SLC9A8: variants seen among roughly 807,000 people sequenced by gnomAD.
SLC9A8 encodes sodium/hydrogen exchanger 8.
Under a neutral mutation model 66.6 loss-of-function variants are expected in SLC9A8, and 48 were observed. The observed-to-expected ratio is 0.72, with a 90% CI of 0.57 to 0.92. The LOEUF is 0.92. Among genes scored for constraint, SLC9A8 ranks in the 40% least tolerant of loss-of-function variants. The pLI, the probability that SLC9A8 is intolerant of heterozygous loss-of-function variation, is 0.00. For missense variants in SLC9A8, 599 were observed against 747.3 expected (o/e 0.80, Z 2.31); for synonymous variants, 274 against 282.6 (o/e 0.97, Z 0.31).
Position 49,864,858 on chromosome 20 carries a change from A to G in SLC9A8, c.958+14A>G. 1 of 1,529,934 alleles carries G rather than the reference A, an allele frequency of 6.5e-7. No homozygotes were observed. The allele number at this position is 1,529,934 out of a possible 1,614,324, so 94.8% of individuals were successfully genotyped here. On this transcript the variant is annotated intron_variant, in intron 10 of 15. Transcript: ENST00000361573. ...TCTCACTCTCAGGTAAGTGACAGAGAGCCTGAAAGTGCTGTGGTGATGGCA... is the reference window on the plus strand; with the variant it reads ...TCTCACTCTCAGGTAAGTGACAGAGGGCCTGAAAGTGCTGTGGTGATGGCA...
At position 49,884,056 on chromosome 20, in the gene SLC9A8, CTG is replaced by C; in HGVS notation, c.1482_1483del (p.Lys496AspfsTer29). On this transcript the variant is annotated frameshift_variant, in exon 14 of 16. Transcript: ENST00000361573. LOFTEE classifies it high-confidence loss of function. Reference sequence around the variant, plus strand: ...AAGAAGGACGTCAACCTCAGCAAGACTGAGAAGATGGTTAGTACCATGCGCCT... The same window carrying C: ...AAGAAGGACGTCAACCTCAGCAAGACAGAAGATGGTTAGTACCATGCGCCT... The C allele has an allele frequency of 6.2e-7, 1 of 1,613,534 alleles. No individual in the cohort carries two copies. The highest frequency in any genetic ancestry group is 8.5e-7 in the Non-Finnish European group (1 of 1,179,936).
At chr20:49,874,212 C>A (rs1223509231) in intron 10 of SLC9A8, among the ~76,000 whole-genome samples, 2 of 6,320 alleles carry the variant, frequency 3.2e-4, no homozygotes, top group African/African-American at 1.2e-3. Context: ...CAAGATCGCA[C>A]GCACTATTGC....
At chr20:49,822,134 A>G (rs776752871) in intron 2 of SLC9A8, among the ~76,000 whole-genome samples, 13 of 152,320 alleles carry the variant, frequency 8.5e-5, no homozygotes, top group Non-Finnish European at 1.6e-4. Context: ...TTCATGGCTC[A>G]TGGGAAGTCC....
At chr20:49,813,233 T>G (rs1341339637) in intron 1 of SLC9A8, among the ~76,000 whole-genome samples, 1 of 152,186 alleles carries the variant, frequency 6.6e-6, no homozygotes, top group Non-Finnish European at 1.5e-5. Context: ...CTTTCCCAGT[T>G]TTCGGTAATC....
At chr20:49,839,394 G>A (rs552333025) in intron 3 of SLC9A8, 147 bp from the exon 4 acceptor site, 26 of 422,136 alleles carry the variant, frequency 6.2e-5, no homozygotes, top group Admixed American at 5.5e-4. Context: ...GATGTCTCAC[G>A]TCTCCCTAAA....
rs373938839 is a variant in SLC9A8 at position 49,831,123 on chromosome 20, C to G, written c.289+7982C>G. Reference sequence around the variant, plus strand: ...CCCACCCCCAGCCCTCTAATCTCTCCGCTAACTCCCTCTTCCTCACATGGG... The same window carrying G: ...CCCACCCCCAGCCCTCTAATCTCTCGGCTAACTCCCTCTTCCTCACATGGG... On this transcript the variant is annotated intron_variant, in intron 3 of 15. Coordinates refer to ENST00000361573, the MANE Select transcript of SLC9A8 (RefSeq NM_015266.3). 1.3e-5 allele frequency: 7 copies of G among 557,294 alleles called. No homozygotes were observed. In the African/African-American group the frequency reaches 1.3e-4, roughly 10 times the overall value. The allele number at this position is 557,294 out of a possible 1,614,324, so 34.5% of individuals were successfully genotyped here. A position where few individuals can be genotyped will look rare whatever the true frequency, so the allele number is the denominator to read the frequency against.
At chr20:49,863,589 G>C (rs2088837032) in intron 9 of SLC9A8, among the ~76,000 whole-genome samples, 1 of 152,192 alleles carries the variant, frequency 6.6e-6, no homozygotes, top group African/African-American at 2.4e-5. Flanking sequence ...ATGCCAAATA[G>C]AGAAAATTTT....
At chr20:49,870,912 C>T (rs952938736) in intron 10 of SLC9A8, among the ~76,000 whole-genome samples, 5 of 152,158 alleles carry the variant, frequency 3.3e-5, no homozygotes, top group African/African-American at 1.2e-4. Context: ...GTTGTTCAGG[C>T]TGGTCTCAAA....
chr20:49,865,665 G>A lies in SLC9A8; in HGVS notation c.958+821G>A, dbSNP rs2146685010. 1.3e-5 allele frequency among the ~76,000 whole-genome samples: 2 copies of A among 152,310 alleles called. 1 individual carries two copies. Among genetic ancestry groups the A allele is most frequent in the Admixed American group, 1.3e-4 (2 of 15,306 alleles). On this transcript the variant is annotated intron_variant, in intron 10 of 15. Transcript: ENST00000361573. The stretch of plus-strand genomic sequence containing the variant: ...GTAATGATCTTGGAGCCGTCACCTG[G>A]TAATCACTCAGCAGCCCAATCAGGC...
intron 5 of SLC9A8, among the ~76,000 whole-genome samples, chr20:49,847,097 AT>A (rs560488300): frequency 9.3e-4 from 141 of 151,656 alleles, no homozygotes; most frequent in Admixed American, 1.3e-3. Context: ...TTCAGCCCAG[AT>A]TTTTTTTTAA....
intron 1 of SLC9A8, among the ~76,000 whole-genome samples, chr20:49,814,388 A>T (rs1378077858): frequency 6.6e-6 from 1 of 152,252 alleles, no homozygotes; most frequent in East Asian, 1.9e-4. Context: ...TAACTTTTGT[A>T]GTCACAGTAA....
chr20:49,869,177 AAG>A (rs2089092897), intron 10 of SLC9A8, among the ~76,000 whole-genome samples: 1 of 152,132 alleles, frequency 6.6e-6, no homozygotes, highest in African/African-American at 2.4e-5. Flanking sequence ...TTTGGGCTTG[AAG>A]GATGAGTTTG....
At chr20:49,816,607 C>T (rs1045823682) in intron 2 of SLC9A8, among the ~76,000 whole-genome samples, 3 of 152,078 alleles carry the variant, frequency 2.0e-5, no homozygotes, top group African/African-American at 7.2e-5. Context: ...TTAAATGCCT[C>T]CCAGTGTGCC....
At chr20:49,830,470 A>C (rs2087128091) in intron 3 of SLC9A8, 2 of 807,982 alleles carry the variant, frequency 2.5e-6, no homozygotes, top group Non-Finnish European at 2.2e-6. Flanking sequence ...GGTATGCTGC[A>C]AGGGATCTGC....
At chr20:49,844,400 TTTCTG>T (rs556818332) in intron 4 of SLC9A8, among the ~76,000 whole-genome samples, 58 of 152,288 alleles carry the variant, frequency 3.8e-4, no homozygotes, top group African/African-American at 1.4e-3. Context: ...GAATTGAAAT[TTTCTG>T]TATTCAGATT....
intron 8 of SLC9A8, among the ~76,000 whole-genome samples, chr20:49,858,955 CAA>C (rs1012164170): frequency 1.7e-4 from 18 of 107,600 alleles, no homozygotes; most frequent in Admixed American, 3.8e-4. Flanking sequence ...AAGACTGTCT[CAA>C]AAAAAAAAAA....
At chr20:49,866,862 A>G (rs1396348315) in intron 10 of SLC9A8, among the ~76,000 whole-genome samples, 1 of 151,732 alleles carries the variant, frequency 6.6e-6, no homozygotes, top group African/African-American at 2.4e-5. Context: ...AAAGTCACTG[A>G]TCTTCTGCCA....
At chr20:49,819,597 A>G (rs962560597) in intron 2 of SLC9A8, among the ~76,000 whole-genome samples, 1 of 152,130 alleles carries the variant, frequency 6.6e-6, no homozygotes, top group South Asian at 2.1e-4. Flanking sequence ...TGTACAGTTC[A>G]GCAGCATCTA....
At chr20:49,852,451 A>G (rs113995786) in intron 7 of SLC9A8, among the ~76,000 whole-genome samples, 34 of 152,340 alleles carry the variant, frequency 2.2e-4, no homozygotes, top group African/African-American at 8.2e-4. Context: ...GCACTGTAGA[A>G]AACATAAAAA....
Sources: allele counts gnomAD v4.1 joint callset (sites outside exome capture counted in the v4.1 genomes callset), GRCh38; gene constraint gnomAD v4.1.1; transcripts MANE v1.5; gene names NCBI Gene and HGNC (gene_info 2026-07-23, HGNC 2026-07-21).